The following THSD7A variants were observed in gnomAD, a reference collection of about 807,000 sequenced individuals.
The protein encoded by THSD7A is thrombospondin type 1 domain containing 7A, also known as thrombospondin type-1 domain-containing protein 7A.
In THSD7A, 96 loss-of-function variants were observed where a neutral mutation model predicts 231.3. That is an observed-to-expected ratio of 0.41 (90% CI 0.35 to 0.49). THSD7A has a LOEUF of 0.49. Among genes scored for constraint, THSD7A ranks in the 20% least tolerant of loss-of-function variants. THSD7A has a pLI of 0.05. For missense variants in THSD7A, 2,290 were observed against 2,070.2 expected, an observed-to-expected ratio of 1.11 and a Z score of -2.06; for synonymous variants, 940 against 743.3, an observed-to-expected ratio of 1.26 and a Z score of -4.30.
chr7:11,474,106 G>A lies in THSD7A; in HGVS notation c.2252+228C>T, dbSNP rs991507959. On this transcript the variant is annotated intron_variant, in intron 8 of 27. Transcript: ENST00000423059. This position sits in a 1 kb window ranked among gnomAD's most constrained non-coding sequence, Gnocchi z 4.1. ...GCAGAAAGTGCTACTATAAAACAGA[G>A]AGTAGGCACCAGATAGAAAGATTTC... Among the ~76,000 whole-genome samples, 1 of 152,174 alleles carries A rather than the reference G, an allele frequency of 6.6e-6. No individual in the cohort carries two copies. Among genetic ancestry groups the A allele is most frequent in the African/African-American group, 2.4e-5 (1 of 41,454 alleles).
intron 13 of THSD7A, among the ~76,000 whole-genome samples, chr7:11,442,636 C>T (rs933653228): frequency 6.6e-6 from 1 of 151,982 alleles, no homozygotes; most frequent in South Asian, 2.1e-4. Context: ...CATAACATTC[C>T]ACAAACACCA....
chr7:11,652,158 A>G (rs1035574461), intron 1 of THSD7A, among the ~76,000 whole-genome samples: 1 of 151,866 alleles, frequency 6.6e-6, no homozygotes, highest in Non-Finnish European at 1.5e-5. Context: ...AGTATTCCCC[A>G]TGCATATCAT....
At chr7:11,542,787 G>A (rs1789207776) in intron 5 of THSD7A, among the ~76,000 whole-genome samples, 175 bp downstream of exon 5, 1 of 152,140 alleles carries the variant, frequency 6.6e-6, no homozygotes, top group Non-Finnish European at 1.5e-5. Flanking sequence ...ATGTTCTTCT[G>A]TTTTAATCTT....
intron 11 of THSD7A, among the ~76,000 whole-genome samples, chr7:11,451,635 A>G (rs559196053): frequency 6.6e-6 from 1 of 152,134 alleles, no homozygotes; most frequent in East Asian, 1.9e-4. Context: ...TTTCACGTAA[A>G]TTGAGTTTCA....
At chr7:11,445,088 A>G (rs1255191335) in intron 13 of THSD7A, among the ~76,000 whole-genome samples, 1 of 151,858 alleles carries the variant, frequency 6.6e-6, no homozygotes, top group Non-Finnish European at 1.5e-5. Flanking sequence ...CCATATAATA[A>G]AACTGGAGCA....
intron 2 of THSD7A, among the ~76,000 whole-genome samples, chr7:11,617,722 G>A (rs888301999): frequency 6.6e-6 from 1 of 152,132 alleles, no homozygotes; most frequent in Non-Finnish European, 1.5e-5. Context: ...GTAGGGACAT[G>A]GATGAAGCTG....
At chr7:11,508,362 C>T (rs989284305) in intron 6 of THSD7A, among the ~76,000 whole-genome samples, 6 of 151,926 alleles carry the variant, frequency 3.9e-5, no homozygotes, top group Non-Finnish European at 7.4e-5. Context: ...TATAAAACCA[C>T]AATGAGATAC....
rs1003502831 is a variant in THSD7A, at chr7:11,701,571, A to G, written c.191-64610T>C. Among the ~76,000 whole-genome samples the G allele has an allele frequency of 2.0e-5, 3 of 151,016 alleles. No individual in the cohort carries two copies. The East Asian group carries it at 5.9e-4, about 30-fold the overall frequency. On this transcript the variant is annotated intron_variant, in intron 1 of 27. Transcript: ENST00000423059. Reference sequence around the variant, plus strand: ...CTTGGAAACTGATCGTTATGCAAAAACTGTGTTTTTTTTCTAGCTTAGTGC... The same window carrying G: ...CTTGGAAACTGATCGTTATGCAAAAGCTGTGTTTTTTTTCTAGCTTAGTGC...
rs995722820 is a variant in THSD7A, at chr7:11,411,815, C to T, written c.3683-493G>A. Among the ~76,000 whole-genome samples, 79 of 151,826 alleles carry T rather than the reference C, an allele frequency of 5.2e-4. 2 individuals carry two copies. Among genetic ancestry groups the T allele is most frequent in the Admixed American group, 1.3e-3 (20 of 15,246 alleles). On this transcript the variant is annotated intron_variant, in intron 18 of 27. Transcript: ENST00000423059. This position sits in a 1 kb window ranked among gnomAD's most constrained non-coding sequence, Gnocchi z 4.1. Reference sequence around the variant, plus strand: ...TTAAAGTGATAAAAATCACTTTGGCCATATTTATTCATTCTCTTATGTCTT... The same window carrying T: ...TTAAAGTGATAAAAATCACTTTGGCTATATTTATTCATTCTCTTATGTCTT...
At chr7:11,791,679 T>C (rs1783956207) in intron 1 of THSD7A, among the ~76,000 whole-genome samples, 1 of 152,006 alleles carries the variant, frequency 6.6e-6, no homozygotes, top group African/African-American at 2.4e-5. Flanking sequence ...CTATCTAGTG[T>C]AGTTCTTTAA....
chr7:11,410,800 A>G (rs75375860), intron 19 of THSD7A, among the ~76,000 whole-genome samples: 3,016 of 152,228 alleles, frequency 0.02, 41 homozygotes, highest in South Asian at 0.051. Context: ...AAAATCTGCT[A>G]TGAAACCACA....
chr7:11,388,742 T>C (rs1379400034), intron 23 of THSD7A, among the ~76,000 whole-genome samples: 1 of 152,222 alleles, frequency 6.6e-6, no homozygotes, highest in African/African-American at 2.4e-5. Context: ...CTAGCACTTT[T>C]AATTGTGATG....
At chr7:11,752,148 G>A (rs10499405) in intron 1 of THSD7A, among the ~76,000 whole-genome samples, 26,735 of 151,966 alleles carry the variant, frequency 0.18, 2,870 homozygotes, top group African/African-American at 0.3. Context: ...GGCACCTATG[G>A]CCTTGTTTAC....
At chr7:11,779,567 C>T (rs1783556194) in intron 1 of THSD7A, among the ~76,000 whole-genome samples, 1 of 152,170 alleles carries the variant, frequency 6.6e-6, no homozygotes, top group Admixed American at 6.5e-5. Flanking sequence ...GGCAAAAATC[C>T]TTGGAATCAC....
chr7:11,382,462 C>G, intron 24 of THSD7A, 59 bp downstream of exon 24: 1 of 1,349,438 alleles, frequency 7.4e-7, no homozygotes, highest in Admixed American at 1.8e-5. Flanking sequence ...TTTTCTTCAA[C>G]CAATCACATG....
intron 17 of THSD7A, among the ~76,000 whole-genome samples, chr7:11,415,262 C>G (rs1783923419): frequency 2.0e-5 from 3 of 152,216 alleles, no homozygotes; most frequent in Admixed American, 2.0e-4. Flanking sequence ...CATTCTCTTC[C>G]AAATGAATAG....
At chr7:11,824,795 T>C (rs1009697147) in intron 1 of THSD7A, among the ~76,000 whole-genome samples, 3 of 152,106 alleles carry the variant, frequency 2.0e-5, no homozygotes, top group African/African-American at 7.2e-5. Flanking sequence ...AACAAAGCAA[T>C]GTATAAAATA....
At chr7:11,419,840 TAAAG>T (rs1430757521) in intron 16 of THSD7A, among the ~76,000 whole-genome samples, 1 of 152,014 alleles carries the variant, frequency 6.6e-6, no homozygotes, top group Non-Finnish European at 1.5e-5. Flanking sequence ...GGAAGTGGAG[TAAAG>T]CCCACTTTTG....
At chr7:11,642,407 G>C (rs556959251) in intron 1 of THSD7A, among the ~76,000 whole-genome samples, 1 of 152,224 alleles carries the variant, frequency 6.6e-6, no homozygotes, top group African/African-American at 2.4e-5. Context: ...TTAAGGCTAT[G>C]GATAATATCC....
Sources: gnomAD v4.1 joint callset for allele counts (sites outside exome capture counted in the v4.1 genomes callset) on GRCh38, gnomAD v4.1.1 for gene constraint, Gnocchi (gnomAD v3.1) non-coding constraint, MANE v1.5 for transcripts, NCBI Gene and HGNC (gene_info 2026-07-23, HGNC 2026-07-21) for gene names.